Variants in TMEM132D observed in about 807,000 individuals in gnomAD.
TMEM132D encodes mature OL transmembrane protein.
In TMEM132D, 21 loss-of-function variants were observed where a neutral mutation model predicts 62.3. The observed-to-expected ratio is 0.34, with a 90% CI of 0.24 to 0.49. The LOEUF (loss-of-function observed/expected upper bound fraction) is 0.49, where lower values mean the gene tolerates loss of function less well. Ranked by LOEUF, TMEM132D falls within the 20% of genes least tolerant of loss-of-function variation. TMEM132D has a pLI of 0.99. For synonymous variants in TMEM132D, 621 were observed against 575.6 expected, an observed-to-expected ratio of 1.08 and a Z score of -1.13; for missense variants, 1,346 against 1,402.8, an observed-to-expected ratio of 0.96 and a Z score of 0.65.
intron 1 of TMEM132D, among the ~76,000 whole-genome samples, chr12:129,717,666 A>T (rs1014444315): frequency 1.1e-4 from 17 of 150,246 alleles, no homozygotes; most frequent in Non-Finnish European, 2.4e-4. Context: ...TGGAAAAATA[A>T]TTTTTTAAAT....
chr12:129,091,767 C>A (rs913569133), intron 5 of TMEM132D, among the ~76,000 whole-genome samples: 2 of 152,182 alleles, frequency 1.3e-5, no homozygotes, highest in African/African-American at 2.4e-5. Flanking sequence ...CAAGCCTAGT[C>A]CCCCATGAGT....
intron 2 of TMEM132D, among the ~76,000 whole-genome samples, chr12:129,557,246 C>A (rs1877088305): frequency 1.3e-5 from 2 of 152,078 alleles, no homozygotes; most frequent in African/African-American, 2.4e-5. Context: ...TGTCATACTT[C>A]TCAGCAGTAA....
intron 1 of TMEM132D, among the ~76,000 whole-genome samples, chr12:129,737,498 T>G (rs1869465642): frequency 6.6e-6 from 1 of 152,204 alleles, no homozygotes; most frequent in East Asian, 1.9e-4. Flanking sequence ...ATAAATTGGC[T>G]AGACACAAAT....
intron 4 of TMEM132D, among the ~76,000 whole-genome samples, chr12:129,305,027 A>G (rs1284838799): frequency 3.3e-5 from 5 of 152,156 alleles, no homozygotes; most frequent in Non-Finnish European, 7.3e-5. Context: ...CCATATATCC[A>G]TTATACACTT....
chr12:129,091,934 C>A (rs1371915567), intron 5 of TMEM132D, among the ~76,000 whole-genome samples: 2 of 152,236 alleles, frequency 1.3e-5, no homozygotes, highest in Admixed American at 1.3e-4. Flanking sequence ...CCAAACTCCC[C>A]CTCTGGGAGA....
At chr12:129,420,700 T>C (rs1872293841) in intron 3 of TMEM132D, among the ~76,000 whole-genome samples, 2 of 152,296 alleles carry the variant, frequency 1.3e-5, no homozygotes, top group East Asian at 1.9e-4. Context: ...TAAAGACCCC[T>C]GGTGAACACC....
intron 1 of TMEM132D, among the ~76,000 whole-genome samples, chr12:129,783,018 G>A (rs561668294): frequency 2.6e-5 from 4 of 152,316 alleles, no homozygotes; most frequent in African/African-American, 4.8e-5. Flanking sequence ...TGTAGTAGTC[G>A]CAGTAGGTTG....
chr12:129,349,480 GACTCT>G (rs1869797346), intron 3 of TMEM132D, among the ~76,000 whole-genome samples: 1 of 152,194 alleles, frequency 6.6e-6, no homozygotes. Context: ...GCATTTGCAT[GACTCT>G]ACTCATTGGG....
At chr12:129,834,838 C>G (rs1872953534) in intron 1 of TMEM132D, among the ~76,000 whole-genome samples, 1 of 152,174 alleles carries the variant, frequency 6.6e-6, no homozygotes, top group Non-Finnish European at 1.5e-5. Flanking sequence ...TTTTATTCAT[C>G]AGGAACTTGG....
intron 5 of TMEM132D, among the ~76,000 whole-genome samples, chr12:129,121,984 G>A (rs1565971154): frequency 1.3e-5 from 2 of 152,116 alleles, no homozygotes; most frequent in Admixed American, 6.5e-5. Context: ...GAGACGAGAT[G>A]GATGGCAGGC....
intron 1 of TMEM132D, among the ~76,000 whole-genome samples, chr12:129,874,502 T>C (rs538430244): frequency 6.6e-6 from 1 of 151,888 alleles, no homozygotes; most frequent in Non-Finnish European, 1.5e-5. Context: ...TGGTAATCAT[T>C]TCACAATGCA....
At position 129,591,354 on chromosome 12, in the gene TMEM132D, T is replaced by C. The variant is rs532784163; in HGVS notation, c.969-60149A>G. ...CCTAGAGCATGCATCATCCATATCA[T>C]CAAACAGCAATAATTTCAGAACAGA... On this transcript the variant is annotated intron_variant, in intron 2 of 8. Coordinates refer to ENST00000422113, the MANE Select transcript of TMEM132D (RefSeq NM_133448.3). 2.0e-5 allele frequency among the ~76,000 whole-genome samples: 3 copies of C among 152,290 alleles called. No individual in the cohort carries two copies. In the East Asian group the frequency reaches 5.8e-4, roughly 29 times the overall value.
intron 3 of TMEM132D, among the ~76,000 whole-genome samples, chr12:129,448,635 C>T (rs1873178272): frequency 6.6e-6 from 1 of 152,142 alleles, no homozygotes; most frequent in Non-Finnish European, 1.5e-5. Context: ...CATTGGTGAG[C>T]ATTTACGTTG....
intron 2 of TMEM132D, among the ~76,000 whole-genome samples, chr12:129,533,006 G>A (rs190968856): frequency 6.6e-6 from 1 of 152,256 alleles, no homozygotes; most frequent in Admixed American, 6.5e-5. Flanking sequence ...TGAGTCCTGT[G>A]AGTTCTCCTA....
chr12:129,862,868 TAAA>T (rs200353787), intron 1 of TMEM132D, among the ~76,000 whole-genome samples: 5 of 143,012 alleles, frequency 3.5e-5, no homozygotes, highest in Admixed American at 1.4e-4. Context: ...TGAGCTTAGT[TAAA>T]AAAAAAAAAA....
Position 129,389,315 on chromosome 12 carries a change from A to T in TMEM132D, c.1116-51498T>A, listed in dbSNP as rs554623023. 2.8e-4 allele frequency among the ~76,000 whole-genome samples: 43 copies of T among 152,264 alleles called. No homozygotes were observed. In the South Asian group the frequency reaches 3.5e-3, roughly 12 times the overall value. On this transcript the variant is annotated intron_variant, in intron 3 of 8. Coordinates refer to ENST00000422113, the MANE Select transcript of TMEM132D (RefSeq NM_133448.3). Reference sequence around the variant, plus strand: ...AATACTAACACCAACACTAACAAACACTAATATTAACACAAGTACCAATAC... The same window carrying T: ...AATACTAACACCAACACTAACAAACTCTAATATTAACACAAGTACCAATAC...
intron 2 of TMEM132D, among the ~76,000 whole-genome samples, chr12:129,547,761 A>G (rs1876776950): frequency 1.3e-5 from 2 of 152,192 alleles, no homozygotes; most frequent in African/African-American, 4.8e-5. Context: ...ATACCCTACT[A>G]AAAGAGTCTT....
intron 1 of TMEM132D, among the ~76,000 whole-genome samples, chr12:129,800,003 C>T (rs192192873): frequency 5.9e-5 from 9 of 152,210 alleles, no homozygotes; most frequent in African/African-American, 9.6e-5. Flanking sequence ...CAGGCACGTG[C>T]GTACAGTCAT....
chr12:129,675,160 G>T (rs264501), intron 2 of TMEM132D, among the ~76,000 whole-genome samples: 49,432 of 151,920 alleles, frequency 0.33, 8,224 homozygotes, highest in Middle Eastern at 0.45. Flanking sequence ...GGGATACAAA[G>T]CTTATTGAAA....
Sources: allele counts gnomAD v4.1 joint callset (sites outside exome capture counted in the v4.1 genomes callset), GRCh38; gene constraint gnomAD v4.1.1; transcripts MANE v1.5; gene names NCBI Gene and HGNC (gene_info 2026-07-23, HGNC 2026-07-21).